The following USP42 variants were observed in gnomAD, a reference collection of about 807,000 sequenced individuals.
The protein encoded by USP42 is ubiquitin carboxyl-terminal hydrolase 42.
In USP42, 23 loss-of-function variants were observed where a neutral mutation model predicts 113.0. The ratio of observed to expected loss-of-function variants is 0.20; its 90% CI spans 0.15 to 0.29. The LOEUF is 0.29. Ranked by LOEUF, USP42 falls within the 10% of genes least tolerant of loss-of-function variation. USP42 has a pLI of 1.00. For synonymous variants in USP42, 933 were observed against 699.0 expected (o/e 1.33, Z -5.28); for missense variants, 2,174 against 1,779.8 (o/e 1.22, Z -3.99).
At chr7:6,121,026 T>C (rs1780197829) in intron 3 of USP42, among the ~76,000 whole-genome samples, 1 of 152,200 alleles carries the variant, frequency 6.6e-6, no homozygotes, top group Non-Finnish European at 1.5e-5. Flanking sequence ...TTATTAATTC[T>C]AGTAGGTTTT....
chr7:6,114,460 C>T (rs1052793693), intron 2 of USP42, among the ~76,000 whole-genome samples: 7 of 151,692 alleles, frequency 4.6e-5, no homozygotes, highest in East Asian at 1.9e-4. Flanking sequence ...TATCTCCCCA[C>T]GACATTATCT....
chr7:6,111,421 A>T, intron 2 of USP42, 47 bp downstream of exon 2: 1 of 1,593,286 alleles, frequency 6.3e-7, no homozygotes, highest in Non-Finnish European at 8.6e-7. Flanking sequence ...CTCCTGTGTA[A>T]ATGCTGCTGG....
intron 3 of USP42, chr7:6,116,587 T>TTTA (rs1323072070): frequency 2.9e-6 from 1 of 339,464 alleles, no homozygotes; most frequent in Non-Finnish European, 5.6e-6. Context: ...TGAATAGTTC[T>TTTA]TTACTTAATG....
chr7:6,160,346 G>A (rs1309621236), intron 17 of USP42, among the ~76,000 whole-genome samples: 2 of 152,218 alleles, frequency 1.3e-5, no homozygotes, highest in African/African-American at 4.8e-5. Context: ...GGCGGGTGGT[G>A]GCCGGGCCCA....
chr7:6,154,909 G>A lies in USP42; in HGVS notation c.3355G>A (p.Ala1119Thr), dbSNP rs371025803. ...RERHRPSSPR[A>T]GAPHALAPHP... is the part of the protein sequence containing the mutation. The stretch of plus-strand genomic sequence containing the variant: ...GCGGCACCGCCCCAGCAGCCCCCGC[G>A]CAGGCGCGCCCCACGCCCTCGCCCC... The change falls in exon 15 of 18, where the codon GCA (alanine) becomes ACA (threonine). Residue 1119 changes from alanine (A) to threonine (T), a missense_variant. Coordinates refer to ENST00000306177, the MANE Select transcript of USP42 (RefSeq NM_032172.3). 87 of 1,546,390 alleles carry A rather than the reference G, an allele frequency of 5.6e-5. No individual in the cohort carries two copies. Among genetic ancestry groups the A allele is most frequent in the Non-Finnish European group, 4.8e-5 (55 of 1,144,706 alleles).
At chr7:6,113,403 TTC>T (rs1025167360) in intron 2 of USP42, among the ~76,000 whole-genome samples, 2 of 152,088 alleles carry the variant, frequency 1.3e-5, no homozygotes, top group Non-Finnish European at 2.9e-5. Flanking sequence ...TTGCTGGGGC[TTC>T]TCTCTCTTCT....
At chr7:6,092,044 CTTCTTCTTCT>C in the USP42 span, among the ~76,000 whole-genome samples, 312 of 86,982 alleles carry the variant, frequency 3.6e-3, no homozygotes, top group Middle Eastern at 0.014. Context: ...TCTTCTTCTT[CTTCTTCTTCT>C]TTCTTCTTCT....
chr7:6,100,456 A>G (rs1460968367), upstream of USP42, among the ~76,000 whole-genome samples: 3 of 150,596 alleles, frequency 2.0e-5, no homozygotes, highest in Admixed American at 6.6e-5. Flanking sequence ...CAGCCTCCCA[A>G]GTAGCTGGGA....
chr7:6,154,766 C>T lies in USP42; in HGVS notation c.3212C>T (p.Ala1071Val), dbSNP rs764011521. The change falls in exon 15 of 18, where the codon GCC becomes GTC. Residue 1071 changes from alanine to valine, a missense_variant. Transcript: ENST00000306177. ...YYHDRYALYAARDWKPFHGGR... is the reference protein window; with the variant it reads ...YYHDRYALYAVRDWKPFHGGR... ...CATGACAGGTACGCCCTGTACGCTG[C>T]CCGGGACTGGAAGCCCTTCCACGGC... is the stretch of plus-strand genomic sequence containing the variant. The T allele has an allele frequency of 3.8e-5, 59 of 1,556,258 alleles. No homozygotes were observed. Among genetic ancestry groups the T allele is most frequent in the Non-Finnish European group, 4.9e-5 (56 of 1,151,474 alleles).
chr7:6,090,169 G>T, the USP42 span, among the ~76,000 whole-genome samples: 11 of 148,350 alleles, frequency 7.4e-5, no homozygotes, highest in South Asian at 1.9e-3. Context: ...GCATGGTGGC[G>T]CATGCCTGTA....
At position 6,154,008 on chromosome 7, in the gene USP42, G is replaced by A; in HGVS notation, c.2454G>A (p.Leu818=). 6.2e-7 allele frequency: 1 copy of A among 1,603,672 alleles called. No individual in the cohort carries two copies. ...TGGGGGACACAGCACCCCCTGACCT[G>A]TGTGATCCCGGGAGCTTAACAGGCG... ...DIVGDTAPPD[L]CDPGSLTGDA... The change falls in exon 15 of 18, where the codon CTG becomes CTA. Residue 818 remains leucine (L), a synonymous_variant. Transcript: ENST00000306177.
At chr7:6,118,635 G>T (rs1780043261) in intron 3 of USP42, among the ~76,000 whole-genome samples, 11 of 151,978 alleles carry the variant, frequency 7.2e-5, no homozygotes, top group Admixed American at 5.9e-4. Flanking sequence ...TTTTGGGTCA[G>T]TGGTCCATTT....
chr7:6,116,860 A>T (rs755681301), intron 3 of USP42: 1 of 533,004 alleles, frequency 1.9e-6, no homozygotes. Flanking sequence ...TAGGGTGTGG[A>T]TGAAAACCCA....
At chr7:6,089,280 C>G in the USP42 span, among the ~76,000 whole-genome samples, 358 of 148,962 alleles carry the variant, frequency 2.4e-3, 3 homozygotes, top group South Asian at 4.2e-3. Context: ...TCTTGAACTC[C>G]TGATCTTAGG....
Position 6,149,780 on chromosome 7 carries a change from C to A in USP42, c.1584C>A (p.Asn528Lys), listed in dbSNP as rs763275116. Residue 528 changes from asparagine to lysine, a missense_variant, in exon 13 of 18, where the codon AAC (asparagine) becomes AAA (lysine). Coordinates refer to ENST00000306177, the MANE Select transcript of USP42 (RefSeq NM_032172.3). ...AAAAAATTACAATCAGTATTCACAACAAGTTGCCTGTTCGCCAGTGTCAGT... is the reference window on the plus strand; with the variant it reads ...AAAAAATTACAATCAGTATTCACAAAAAGTTGCCTGTTCGCCAGTGTCAGT... ...KKQKITISIHNKLPVRQCQSQ... is the reference protein window; with the variant it reads ...KKQKITISIHKKLPVRQCQSQ... The A allele has an allele frequency of 2.5e-6, 4 of 1,613,916 alleles. No individual in the cohort carries two copies. The South Asian group carries it at 4.4e-5, about 18-fold the overall frequency.
Position 6,159,410 on chromosome 7 carries a change from A to C in USP42, c.3944-40A>C. The C allele has an allele frequency of 6.2e-7, 1 of 1,613,822 alleles. No homozygotes were observed. The highest frequency in any genetic ancestry group is 8.5e-7 in the Non-Finnish European group (1 of 1,179,832). On this transcript the variant is annotated intron_variant, in intron 16 of 17. Transcript: ENST00000306177. This position sits in a 1 kb window ranked among gnomAD's most constrained non-coding sequence, Gnocchi z 4.1. ...ACAGCAGAGGCCCTGGCGATTTTGC[A>C]ACCATCATTAAAATCTCTTTCCTGA...
chr7:6,129,515 C>T (rs557541120), intron 3 of USP42, among the ~76,000 whole-genome samples: 1 of 143,566 alleles, frequency 7.0e-6, no homozygotes, highest in African/African-American at 2.6e-5. Context: ...CAAGATTGTG[C>T]TACTGCACTC....
At chr7:6,089,538 T>C in the USP42 span, among the ~76,000 whole-genome samples, 14 of 144,566 alleles carry the variant, frequency 9.7e-5, no homozygotes, top group South Asian at 3.0e-3. Flanking sequence ...GACTTTCTCT[T>C]TTTTTTTTTT....
upstream of USP42, among the ~76,000 whole-genome samples, chr7:6,103,632 G>T (rs1393149683): frequency 6.7e-6 from 1 of 149,678 alleles, no homozygotes; most frequent in African/African-American, 2.5e-5. Flanking sequence ...CTTGGGCGGT[G>T]GCTCCGGAGT....
Sources: allele counts gnomAD v4.1 joint callset (sites outside exome capture counted in the v4.1 genomes callset), GRCh38; gene constraint gnomAD v4.1.1; non-coding constraint Gnocchi (gnomAD v3.1); transcripts MANE v1.5; gene names NCBI Gene and HGNC (gene_info 2026-07-23, HGNC 2026-07-21).